The following CMIP variants were observed in gnomAD, a reference collection of about 807,000 sequenced individuals.
CMIP encodes the protein C-Maf-inducing protein.
Under a neutral mutation model 97.3 loss-of-function variants are expected in CMIP, and 13 were observed. That is an observed-to-expected ratio of 0.13 (90% CI 0.09 to 0.21). CMIP has a LOEUF of 0.21. Among genes scored for constraint, CMIP ranks in the 10% least tolerant of loss-of-function variants. The pLI, the probability that CMIP is intolerant of heterozygous loss-of-function variation, is 1.00. For missense variants in CMIP, 847 were observed against 1,024.9 expected (o/e 0.83, Z 2.37); for synonymous variants, 538 against 436.3 (o/e 1.23, Z -2.91).
intron 4 of CMIP, 64 bp from the exon 5 acceptor site, chr16:81,657,711 A>G: frequency 7.5e-7 from 1 of 1,332,312 alleles, no homozygotes; most frequent in Non-Finnish European, 1.0e-6. Flanking sequence ...TGAAATCCAA[A>G]TGCTCGTTTT....
intron 1 of CMIP, among the ~76,000 whole-genome samples, chr16:81,573,529 G>A (rs1307385792): frequency 1.3e-5 from 2 of 152,068 alleles, no homozygotes; most frequent in African/African-American, 2.4e-5. Flanking sequence ...TGAGGACATC[G>A]AAGCTCATAT....
At chr16:81,448,287 G>C (rs913969288) in intron 1 of CMIP, among the ~76,000 whole-genome samples, 1 of 152,256 alleles carries the variant, frequency 6.6e-6, no homozygotes, top group East Asian at 1.9e-4. Context: ...GTGATTGATA[G>C]GGATTCAAAC....
intron 1 of CMIP, among the ~76,000 whole-genome samples, chr16:81,494,132 A>G (rs999724066): frequency 1.1e-4 from 16 of 152,166 alleles, no homozygotes; most frequent in Admixed American, 6.5e-5. Context: ...CCCTCCAGGC[A>G]CGGTCCTTGC....
At chr16:81,648,746 A>T (rs566053180) in intron 3 of CMIP, among the ~76,000 whole-genome samples, 1 of 133,880 alleles carries the variant, frequency 7.5e-6, no homozygotes, top group South Asian at 2.5e-4. Context: ...TCTCACCACT[A>T]CACTCCAGCT....
rs1006969845 is a variant in CMIP at position 81,616,955 on chromosome 16, G to C, written c.427-3921G>C. On this transcript the variant is annotated intron_variant, in intron 2 of 20. Coordinates refer to ENST00000537098, the MANE Select transcript of CMIP (RefSeq NM_198390.3). The surrounding 1 kb of genome is among the most constrained non-coding windows in gnomAD (Gnocchi z 4.7). ...GCCAGGCCAGGCAGCTGGGGCCCAG[G>C]AGGAGAGATCTGTCAGCCATCCCTG... is the stretch of plus-strand genomic sequence containing the variant. 6.5e-6 allele frequency: 1 copy of C among 152,886 alleles called. No individual in the cohort carries two copies. The highest frequency in any genetic ancestry group is 1.5e-5 in the Non-Finnish European group (1 of 68,592). The allele number at this position is 152,886 out of a possible 1,614,324, so 9.5% of individuals were successfully genotyped here.
At chr16:81,681,068 C>G (rs1465693018) in intron 10 of CMIP, among the ~76,000 whole-genome samples, 1 of 152,198 alleles carries the variant, frequency 6.6e-6, no homozygotes, top group African/African-American at 2.4e-5. Flanking sequence ...AGGGCCATCG[C>G]CAAGGGCCCA....
intron 14 of CMIP, 63 bp downstream of exon 14, chr16:81,696,730 G>A: frequency 6.8e-7 from 1 of 1,475,584 alleles, no homozygotes; most frequent in Non-Finnish European, 9.2e-7. Context: ...TGCCTGACTA[G>A]TAAAACAGCC....
chr16:81,704,844 G>A (rs1189847753), intron 18 of CMIP, among the ~76,000 whole-genome samples: 1 of 150,584 alleles, frequency 6.6e-6, no homozygotes, highest in Non-Finnish European at 1.5e-5. Context: ...ACCTCATGAA[G>A]CCCTGCAGCC....
intron 1 of CMIP, among the ~76,000 whole-genome samples, chr16:81,515,521 G>A (rs893463767): frequency 6.6e-6 from 1 of 152,182 alleles, no homozygotes; most frequent in African/African-American, 2.4e-5. Flanking sequence ...GGAGCACAGG[G>A]CCAGGGCTGG....
chr16:81,544,454 A>G (rs1487141636), intron 1 of CMIP, among the ~76,000 whole-genome samples: 5 of 150,442 alleles, frequency 3.3e-5, no homozygotes, highest in African/African-American at 9.8e-5. Flanking sequence ...GCGCGCACAC[A>G]GGAAACCTCT....
intron 9 of CMIP, among the ~76,000 whole-genome samples, 183 bp downstream of exon 9, chr16:81,672,253 A>C (rs2092689759): frequency 6.6e-6 from 1 of 152,244 alleles, no homozygotes; most frequent in Admixed American, 6.5e-5. Context: ...GAAGCCAGGG[A>C]TGCTGCTGAA....
intron 1 of CMIP, among the ~76,000 whole-genome samples, chr16:81,556,452 C>T (rs1472723457): frequency 1.3e-5 from 2 of 152,138 alleles, no homozygotes; most frequent in Non-Finnish European, 2.9e-5. Flanking sequence ...TTTATATTCG[C>T]GCCAACAATG....
chr16:81,634,152 AC>A (rs1402598585), intron 3 of CMIP, among the ~76,000 whole-genome samples: 1 of 152,048 alleles, frequency 6.6e-6, no homozygotes. Context: ...ATTTTAACAT[AC>A]CCTCCGGGTG....
At chr16:81,651,581 A>G (rs757464142) in intron 3 of CMIP, among the ~76,000 whole-genome samples, 4 of 152,198 alleles carry the variant, frequency 2.6e-5, no homozygotes, top group Non-Finnish European at 4.4e-5. Flanking sequence ...CCTGTCTTCA[A>G]GCGACCTCTT....
rs994899209 is a variant in CMIP at position 81,702,634 on chromosome 16, G to A, written c.1909G>A (p.Gly637Arg). Residue 637 changes from glycine (G) to arginine (R), a missense_variant, in exon 17 of 21, where the codon GGG (glycine) becomes AGG (arginine). This residue lies in a region of CMIP where 266 missense variants were observed against 384.2 expected (regional missense o/e 0.69). Transcript: ENST00000537098. ...RELKELQRKG[G>R]PTRLTLPSKS... is the part of the protein sequence containing the mutation. ...GTTTCTGTTGCAGCAAAGGAAAGGCGGGCCCACCAGGCTAACACTGCCCTC... is the reference window on the plus strand; with the variant it reads ...GTTTCTGTTGCAGCAAAGGAAAGGCAGGCCCACCAGGCTAACACTGCCCTC... 1.2e-6 allele frequency: 2 copies of A among 1,613,528 alleles called. No homozygotes were observed. Among genetic ancestry groups the A allele is most frequent in the Non-Finnish European group, 1.7e-6 (2 of 1,179,696 alleles).
At chr16:81,661,597 C>G (rs796619801) in intron 6 of CMIP, among the ~76,000 whole-genome samples, 3 of 152,364 alleles carry the variant, frequency 2.0e-5, no homozygotes, top group African/African-American at 7.2e-5. Context: ...CCTCCCCGCT[C>G]CCATTACCTG....
intron 12 of CMIP, 90 bp from the exon 13 acceptor site, chr16:81,693,349 G>T: frequency 6.5e-7 from 1 of 1,538,088 alleles, no homozygotes; most frequent in Non-Finnish European, 8.8e-7. Context: ...TCCCTGGCCC[G>T]TTCTTCCTTG....
chr16:81,584,771 C>G (rs376126210), intron 1 of CMIP, among the ~76,000 whole-genome samples: 1 of 152,166 alleles, frequency 6.6e-6, no homozygotes, highest in Non-Finnish European at 1.5e-5. Context: ...CTGGAGGAAT[C>G]CCCTGAGACC....
At chr16:81,577,591 T>G (rs557356470) in intron 1 of CMIP, among the ~76,000 whole-genome samples, 72 of 144,416 alleles carry the variant, frequency 5.0e-4, no homozygotes, top group African/African-American at 1.9e-3. Flanking sequence ...ATCACCACCA[T>G]CATCCCCATT....
Sources: gnomAD v4.1 joint callset for allele counts (sites outside exome capture counted in the v4.1 genomes callset) on GRCh38, gnomAD v4.1.1 for gene constraint, gnomAD v4.1.1 regional missense constraint, Gnocchi (gnomAD v3.1) non-coding constraint, MANE v1.5 for transcripts, NCBI Gene and HGNC (gene_info 2026-07-23, HGNC 2026-07-21) for gene names.